The following RNF17 variants were observed in gnomAD, a reference collection of about 807,000 sequenced individuals.
The protein encoded by RNF17 is ring finger protein 17, also known as spermatogenesis associated 23.
RNF17 carries 31 observed loss-of-function variants against 200.5 expected under a neutral mutation model. That is an observed-to-expected ratio of 0.15 (90% CI 0.12 to 0.21). RNF17 has a LOEUF of 0.21. Ranked by LOEUF, RNF17 falls within the 10% of genes least tolerant of loss-of-function variation. The pLI, the probability that RNF17 is intolerant of heterozygous loss-of-function variation, is 1.00. For missense variants in RNF17, 1,628 were observed against 1,905.1 expected (o/e 0.85, Z 2.71); for synonymous variants, 606 against 637.8 (o/e 0.95, Z 0.75).
rs1892200733 is a variant in RNF17, at chr13:24,853,873, C to T, written c.3339C>T (p.Asn1113=). The change falls in exon 25 of 36, where the codon AAC becomes AAT. Residue 1113 remains asparagine, a synonymous_variant. Coordinates refer to ENST00000255324, the MANE Select transcript of RNF17 (RefSeq NM_031277.3). ...GTTACAGAATTAATAACTTAGATAA[C>T]AGCCATTCATTATCTGAGAAGTCTC... ...LRERRINNLD[N]SHSLSEKSLE... The T allele has an allele frequency of 6.2e-7, 1 of 1,606,212 alleles. No homozygotes were observed.
At chr13:24,885,406 C>CA in the RNF17 span, 5 of 1,546,974 alleles carry the variant, frequency 3.2e-6, no homozygotes, top group Non-Finnish European at 4.5e-6. Flanking sequence ...CAACACATTT[C>CA]AAGCAGCTAA....
intron 18 of RNF17, among the ~76,000 whole-genome samples, chr13:24,836,070 CAA>C (rs1477932054): frequency 1.3e-5 from 2 of 152,132 alleles, no homozygotes; most frequent in African/African-American, 4.8e-5. Flanking sequence ...AGCTCGAAAA[CAA>C]GGTCTTCGAA....
downstream of RNF17, chr13:24,884,236 A>G: frequency 1.2e-6 from 2 of 1,614,152 alleles, no homozygotes; most frequent in Middle Eastern, 1.6e-4. Flanking sequence ...GCAGCTGCAT[A>G]GTAGTAGATC....
At position 24,764,323 on chromosome 13, in the gene RNF17, C is replaced by T; in HGVS notation, c.120C>T (p.Ser40=). 1 of 1,603,754 alleles carries T rather than the reference C, an allele frequency of 6.2e-7. No individual in the cohort carries two copies. ...GCACCAGGTGTGGAAGGAGGGTATC[C>T]AGATCATCCGGTGAGGAGCCCAAGG... ...IQCTRCGRRV[S]RSSGHHCELQ... The change falls in exon 1 of 36, where the codon TCC becomes TCT. Residue 40 remains serine (S), a synonymous_variant. Coordinates refer to ENST00000255324, the MANE Select transcript of RNF17 (RefSeq NM_031277.3).
In RNF17 at chr13:24,800,399, T is replaced by C. The variant is rs758634035; in HGVS notation, c.1623T>C (p.Ser541=). ...VVDTHVRPEH[S]AKQHIALNDL... is the part of the protein sequence containing the mutation. ...ATACCCATGTGAGACCAGAACACTC[T>C]GCTAAGCAACATATTGCACTAAATG... The change falls in exon 13 of 36, where the codon TCT becomes TCC. Residue 541 remains serine (S), a synonymous_variant. Transcript: ENST00000255324. The C allele has an allele frequency of 1.7e-5, 28 of 1,611,048 alleles. No homozygotes were observed. The highest frequency in any genetic ancestry group is 2.4e-5 in the Non-Finnish European group (28 of 1,178,022).
At chr13:24,854,789 A>G (rs776725855) in intron 25 of RNF17, among the ~76,000 whole-genome samples, 1 of 152,214 alleles carries the variant, frequency 6.6e-6, no homozygotes, top group African/African-American at 2.4e-5. Context: ...GTAGAGTTCA[A>G]ATGAATTTTT....
chr13:24,835,777 C>T (rs371391770), intron 18 of RNF17, among the ~76,000 whole-genome samples: 1 of 152,190 alleles, frequency 6.6e-6, no homozygotes, highest in African/African-American at 2.4e-5. Flanking sequence ...CAATACCCCC[C>T]CAAAATCACA....
intron 2 of RNF17, 95 bp downstream of exon 2, chr13:24,767,461 A>G: frequency 1.1e-6 from 1 of 909,592 alleles, no homozygotes; most frequent in Non-Finnish European, 1.7e-6. Flanking sequence ...TTAGAAACTA[A>G]AAAGTTGGCC....
chr13:24,799,006 A>G (rs1455244276), intron 11 of RNF17, among the ~76,000 whole-genome samples: 1 of 152,188 alleles, frequency 6.6e-6, no homozygotes, highest in African/African-American at 2.4e-5. Context: ...GTCAGTGTAC[A>G]TGTGTACATC....
At chr13:24,776,357 C>A (rs17081143) in intron 3 of RNF17, among the ~76,000 whole-genome samples, 1 of 152,012 alleles carries the variant, frequency 6.6e-6, no homozygotes, top group Non-Finnish European at 1.5e-5. Flanking sequence ...ACATTACCAC[C>A]GTAGCTTCTC....
At chr13:24,880,811 C>G (rs1437300192), downstream of RNF17, among the ~76,000 whole-genome samples, 1 of 152,094 alleles carries the variant, frequency 6.6e-6, no homozygotes, top group Non-Finnish European at 1.5e-5. Context: ...GTAATTCTAC[C>G]AATTTATCCC....
At chr13:24,807,639 CTTTAG>C (rs1304288930) in intron 15 of RNF17, among the ~76,000 whole-genome samples, 1 of 151,942 alleles carries the variant, frequency 6.6e-6, no homozygotes, top group African/African-American at 2.4e-5. Flanking sequence ...TGCAGAAGCT[CTTTAG>C]TTTAATTAGA....
intron 27 of RNF17, 33 bp from the exon 28 acceptor site, chr13:24,862,680 A>G (rs945217175): frequency 4.4e-6 from 6 of 1,379,238 alleles, no homozygotes; most frequent in Middle Eastern, 1.8e-4. Flanking sequence ...TTATGAAAGC[A>G]TAAAAGAATC....
At position 24,789,418 on chromosome 13, in the gene RNF17, C is replaced by A. The variant is rs769526771; in HGVS notation, c.854C>A (p.Pro285His). The change falls in exon 8 of 36, where the codon CCT (proline) becomes CAT (histidine). Residue 285 changes from proline to histidine, a missense_variant. Pro to His is a moderately conservative substitution (Grantham distance 77). Around this residue, in one of 5 missense-constraint regions of RNF17, gnomAD observed 502 missense variants for 501.7 expected, o/e 1.00. Coordinates refer to ENST00000255324, the MANE Select transcript of RNF17 (RefSeq NM_031277.3). ...GTTAGTTCTCCACAACTAAGGAACC[C>A]TCCCAGGTAAGTAAGTCATAGTTCA... ...AQVSSPQLRN[P>H]PRLSVNCSEI... The A allele has an allele frequency of 1.3e-6, 2 of 1,594,008 alleles. No homozygotes were observed. The highest frequency in any genetic ancestry group is 3.3e-5 in the Admixed American group (2 of 59,874).
chr13:24,852,238 A>C (rs1399445302), intron 24 of RNF17, among the ~76,000 whole-genome samples: 3 of 149,450 alleles, frequency 2.0e-5, no homozygotes, highest in Non-Finnish European at 4.4e-5. Context: ...TCCCAGGTTC[A>C]CGCCATTCTC....
intron 22 of RNF17, 48 bp downstream of exon 22, chr13:24,845,127 T>C (rs372997632): frequency 5.3e-6 from 5 of 944,516 alleles, no homozygotes; most frequent in Non-Finnish European, 6.7e-6. Flanking sequence ...TATTTTTAAA[T>C]GCGTTCTCGT....
intron 25 of RNF17, among the ~76,000 whole-genome samples, chr13:24,858,575 GATAT>G (rs397770900): frequency 5.6e-5 from 8 of 143,182 alleles, no homozygotes; most frequent in East Asian, 2.1e-4. Context: ...ATCAGTTATG[GATAT>G]ATATATATAT....
At chr13:24,816,070 A>AT (rs1277765172) in intron 15 of RNF17, among the ~76,000 whole-genome samples, 3 of 151,826 alleles carry the variant, frequency 2.0e-5, no homozygotes, top group South Asian at 2.1e-4. Context: ...AATTTTTACA[A>AT]TTTTTTTATT....
chr13:24,770,104 T>C (rs1005119028), intron 2 of RNF17, among the ~76,000 whole-genome samples: 29 of 152,158 alleles, frequency 1.9e-4, no homozygotes, highest in African/African-American at 6.8e-4. Context: ...ATAATTCATA[T>C]ATACTAAAAT....
Sources: gnomAD v4.1 joint callset for allele counts (sites outside exome capture counted in the v4.1 genomes callset) on GRCh38, gnomAD v4.1.1 for gene constraint, gnomAD v4.1.1 regional missense constraint, MANE v1.5 for transcripts, NCBI Gene and HGNC (gene_info 2026-07-23, HGNC 2026-07-21) for gene names.